LIN9: variants seen among roughly 807,000 people sequenced by gnomAD.
LIN9 encodes the protein lin-9 DREAM MuvB core complex component.
In LIN9, 18 loss-of-function variants were observed where a neutral mutation model predicts 78.0. The observed-to-expected ratio is 0.23, with a 90% CI of 0.16 to 0.34. The LOEUF is 0.34. LIN9 is among the 10% of genes least tolerant of loss of function. The pLI is 1.00. For missense variants in LIN9, 451 were observed against 644.1 expected, an observed-to-expected ratio of 0.70 and a Z score of 3.25; for synonymous variants, 192 against 215.2, an observed-to-expected ratio of 0.89 and a Z score of 0.94.
chr1:226,269,018 A>G (rs1248909851), intron 7 of LIN9, among the ~76,000 whole-genome samples: 2 of 152,200 alleles, frequency 1.3e-5, no homozygotes, highest in Non-Finnish European at 2.9e-5. Flanking sequence ...CTGTGTCACT[A>G]TTATTTAAGT....
chr1:226,240,084 G>A (rs181002849), intron 11 of LIN9, among the ~76,000 whole-genome samples: 49 of 152,250 alleles, frequency 3.2e-4, no homozygotes, highest in Admixed American at 8.5e-4. Flanking sequence ...AAACCTCAGA[G>A]GTCATCTAGT....
At chr1:226,307,027 T>C (rs933518544) in intron 1 of LIN9, among the ~76,000 whole-genome samples, 3 of 152,218 alleles carry the variant, frequency 2.0e-5, no homozygotes, top group Admixed American at 6.5e-5. Context: ...TTAGGTTATA[T>C]AATTTGAAAG....
At chr1:226,290,363 T>C (rs1202067250) in intron 4 of LIN9, among the ~76,000 whole-genome samples, 3 of 150,570 alleles carry the variant, frequency 2.0e-5, no homozygotes, top group East Asian at 3.9e-4. Context: ...TTTTTTGAGA[T>C]GGAGTCTCGC....
chr1:226,295,511 G>T (rs1007210806), intron 4 of LIN9, among the ~76,000 whole-genome samples: 4 of 151,716 alleles, frequency 2.6e-5, no homozygotes, highest in Non-Finnish European at 5.9e-5. Flanking sequence ...GATAAAGGAA[G>T]TCTTCAATGT....
Position 226,260,628 on chromosome 1 carries a change from G to GTTTTTTT in LIN9, c.1038+4898_1038+4904dup, listed in dbSNP as rs559460640. The stretch of plus-strand genomic sequence containing the variant: ...AGAATTTAAGATCACGGCCAAATGA[G>GTTTTTTT]TTTTTTTTTTTTTTTTTTTTTTTTT... On this transcript the variant is annotated intron_variant, in intron 10 of 14. Coordinates refer to ENST00000681046, the MANE Select transcript of LIN9 (RefSeq NM_001366245.2). 3.1e-4 allele frequency among the ~76,000 whole-genome samples: 23 copies of GTTTTTTT among 73,434 alleles called. 1 individual carries two copies. Among genetic ancestry groups the GTTTTTTT allele is most frequent in the African/African-American group, 4.5e-4 (9 of 19,836 alleles). 48.2% of individuals were successfully genotyped at this position (73,434 alleles called of 152,430 possible).
At position 226,277,823 on chromosome 1, in the gene LIN9, G is replaced by T; in HGVS notation, c.634C>A (p.Leu212Ile). 1 of 1,613,800 alleles carries T rather than the reference G, an allele frequency of 6.2e-7. No individual in the cohort carries two copies. Among genetic ancestry groups the T allele is most frequent in the Non-Finnish European group, 8.5e-7 (1 of 1,179,878 alleles). ...AGAGGCAAAGGAATTTCATCTGGGA[G>T]ATCTTTGAATTGTGAAACATCTGCA... Reference protein sequence around the residue: ...KVADVSQFKDLPDEIPLPLVI... With the variant: ...KVADVSQFKDIPDEIPLPLVI... The change falls in exon 7 of 15, where the codon CTC becomes ATC. Residue 212 changes from leucine (L) to isoleucine (I), a missense_variant. Coordinates refer to ENST00000681046, the MANE Select transcript of LIN9 (RefSeq NM_001366245.2).
intron 6 of LIN9, among the ~76,000 whole-genome samples, chr1:226,285,161 CAAA>C (rs1228187517): frequency 6.6e-6 from 1 of 152,046 alleles, no homozygotes; most frequent in Non-Finnish European, 1.5e-5. Context: ...AGAACTATGA[CAAA>C]ACAGTAAATA....
At chr1:226,241,402 T>TGCCTCC (rs1403485087) in intron 11 of LIN9, among the ~76,000 whole-genome samples, 1 of 152,168 alleles carries the variant, frequency 6.6e-6, no homozygotes, top group African/African-American at 2.4e-5. Context: ...AAAATCAAAA[T>TGCCTCC]CATTAAAAGC....
At chr1:226,290,427 A>T (rs925611053) in intron 4 of LIN9, among the ~76,000 whole-genome samples, 1 of 145,064 alleles carries the variant, frequency 6.9e-6, no homozygotes, top group Non-Finnish European at 1.5e-5. Flanking sequence ...TGCAAGCTCC[A>T]CCTCCCGGGT....
chr1:226,292,196 T>C (rs140262209), intron 4 of LIN9, among the ~76,000 whole-genome samples: 201 of 152,318 alleles, frequency 1.3e-3, no homozygotes, highest in African/African-American at 4.5e-3. Context: ...GGTCTCACTC[T>C]GTCACCCAGG....
At chr1:226,309,370 A>C, upstream of LIN9, 3 of 987,954 alleles carry the variant, frequency 3.0e-6, no homozygotes, top group Non-Finnish European at 3.6e-6. Context: ...CCTCCGGCCG[A>C]GCCGGGCGGG....
chr1:226,238,398 A>G (rs1328723268), intron 12 of LIN9, among the ~76,000 whole-genome samples: 1 of 152,172 alleles, frequency 6.6e-6, no homozygotes, highest in Non-Finnish European at 1.5e-5. Flanking sequence ...TGGAAGGCCA[A>G]GGTAGGAGGA....
chr1:226,236,155 T>C (rs1657690330), intron 12 of LIN9, among the ~76,000 whole-genome samples: 1 of 152,102 alleles, frequency 6.6e-6, no homozygotes, highest in Admixed American at 6.6e-5. Context: ...AATGAATAAC[T>C]GTATCCTTTA....
intron 10 of LIN9, among the ~76,000 whole-genome samples, chr1:226,260,746 G>C (rs779582170): frequency 7.3e-6 from 1 of 137,750 alleles, no homozygotes; most frequent in Non-Finnish European, 1.5e-5. Flanking sequence ...CCAGGTTCAC[G>C]CCAGTCTCCT....
At chr1:226,250,767 C>T in intron 11 of LIN9, 72 bp downstream of exon 11, 3 of 748,278 alleles carry the variant, frequency 4.0e-6, no homozygotes, top group Non-Finnish European at 6.6e-6. Flanking sequence ...ATTTTTAAAT[C>T]ATTAGATATA....
At chr1:226,308,215 T>C (rs1663044651) in intron 1 of LIN9, among the ~76,000 whole-genome samples, 1 of 152,222 alleles carries the variant, frequency 6.6e-6, no homozygotes, top group Non-Finnish European at 1.5e-5. Flanking sequence ...ATATTGTAAA[T>C]TACAAAATTA....
chr1:226,272,497 C>A (rs1415169946), intron 7 of LIN9, among the ~76,000 whole-genome samples: 1 of 150,070 alleles, frequency 6.7e-6, no homozygotes, highest in African/African-American at 2.5e-5. Flanking sequence ...GTCTCAGCGT[C>A]CTGAGTAGCT....
intron 11 of LIN9, among the ~76,000 whole-genome samples, chr1:226,242,611 G>A (rs1484518308): frequency 6.6e-6 from 1 of 152,174 alleles, no homozygotes; most frequent in Non-Finnish European, 1.5e-5. Context: ...TTTGAATGGT[G>A]CAGGTCCACT....
intron 11 of LIN9, among the ~76,000 whole-genome samples, chr1:226,246,065 C>T (rs1653756362): frequency 6.6e-6 from 1 of 152,220 alleles, no homozygotes; most frequent in South Asian, 2.1e-4. Context: ...TTAAGTGCCA[C>T]AAGAGTTATT....
Sources: gnomAD v4.1 joint callset for allele counts (sites outside exome capture counted in the v4.1 genomes callset) on GRCh38, gnomAD v4.1.1 for gene constraint, MANE v1.5 for transcripts, NCBI Gene and HGNC (gene_info 2026-07-23, HGNC 2026-07-21) for gene names.